KCNC1: variants seen among roughly 807,000 people sequenced by gnomAD.
KCNC1 encodes the protein potassium voltage-gated channel subfamily C member 1.
Under a neutral mutation model 43.4 loss-of-function variants are expected in KCNC1, and 8 were observed. The ratio of observed to expected loss-of-function variants is 0.18; its 90% confidence interval spans 0.11 to 0.33. The LOEUF is 0.33. KCNC1 is among the 10% of genes least tolerant of loss of function. The pLI is 1.00. For missense variants in KCNC1, 420 were observed against 836.0 expected, an observed-to-expected ratio of 0.50 and a Z score of 6.14; for synonymous variants, 361 against 360.5, an observed-to-expected ratio of 1.00 and a Z score of -0.01.
chr11:17,759,758 C>G (rs549276939), intron 1 of KCNC1, among the ~76,000 whole-genome samples: 3 of 151,990 alleles, frequency 2.0e-5, no homozygotes, highest in African/African-American at 7.2e-5. Context: ...TTGTGGTTCC[C>G]CAAAACAATT....
chr11:17,772,704 C>G (rs1327388561), intron 2 of KCNC1, 106 bp downstream of exon 2: 19 of 1,531,014 alleles, frequency 1.2e-5, no homozygotes, highest in Admixed American at 2.0e-5. Flanking sequence ...TGGGTGACCC[C>G]GGACCCCGCA....
chr11:17,759,394 A>C (rs997057674), intron 1 of KCNC1, among the ~76,000 whole-genome samples: 17 of 152,120 alleles, frequency 1.1e-4, no homozygotes, highest in Non-Finnish European at 2.4e-4. Flanking sequence ...CTTATCACTC[A>C]TGTGTCTACT....
Position 17,777,474 on chromosome 11 carries a change from C to T in KCNC1, c.1505-1982C>T. 7.1e-6 allele frequency: 7 copies of T among 986,012 alleles called. No homozygotes were observed. The highest frequency in any genetic ancestry group is 8.4e-6 in the Non-Finnish European group (7 of 830,000). 61.1% of individuals were successfully genotyped at this position (986,012 alleles called of 1,614,324 possible). A position where few individuals can be genotyped will look rare whatever the true frequency, so the allele number is the denominator to read the frequency against. ...CGTCCTCTCCATACTGTTTCCCTCC[C>T]CTCTCCCAACACCCTCCTCCCTCAG... On this transcript the variant is annotated intron_variant, in intron 2 of 3. Coordinates refer to ENST00000265969, the MANE Select transcript of KCNC1 (RefSeq NM_001112741.2). The surrounding 1 kb of genome is among the most constrained non-coding windows in gnomAD (Gnocchi z 4.3).
chr11:17,775,223 A>T, intron 2 of KCNC1: 15 of 985,520 alleles, frequency 1.5e-5, no homozygotes, highest in Non-Finnish European at 1.8e-5. Context: ...AGCTTCTCCA[A>T]TTCCACTTTT....
At position 17,777,441 on chromosome 11, in the gene KCNC1, GTC is replaced by G; in HGVS notation, c.1505-2014_1505-2013del. The G allele has an allele frequency of 1.0e-6, 1 of 985,874 alleles. No individual in the cohort carries two copies. The highest frequency in any genetic ancestry group is 1.2e-6 in the Non-Finnish European group (1 of 829,966). 61.1% of individuals were successfully genotyped at this position (985,874 alleles called of 1,614,324 possible). On this transcript the variant is annotated intron_variant, in intron 2 of 3. Transcript: ENST00000265969. This position sits in a 1 kb window ranked among gnomAD's most constrained non-coding sequence, Gnocchi z 4.3. ...TGCTATGGGCCTCAACCCCCACATC[GTC>G]ATCCGCGTCCTCTCCATACTGTTTC...
intron 1 of KCNC1, among the ~76,000 whole-genome samples, chr11:17,764,489 A>G (rs1849125785): frequency 6.6e-6 from 1 of 152,122 alleles, no homozygotes; most frequent in Non-Finnish European, 1.5e-5. Flanking sequence ...TGTAGACATG[A>G]CACACCTACC....
intron 1 of KCNC1, among the ~76,000 whole-genome samples, chr11:17,737,023 C>T (rs1325834601): frequency 6.6e-6 from 1 of 152,174 alleles, no homozygotes; most frequent in African/African-American, 2.4e-5. Flanking sequence ...AGCTGGGAGC[C>T]CTTCCTCCTG....
At position 17,773,298 on chromosome 11, in the gene KCNC1, G is replaced by A. The variant is rs577200394; in HGVS notation, c.1504+700G>A. The A allele has an allele frequency of 4.1e-6, 4 of 985,296 alleles. No individual in the cohort carries two copies. The highest frequency in any genetic ancestry group is 3.5e-5 in the African/African-American group (2 of 57,214). 61.0% of individuals were successfully genotyped at this position (985,296 alleles called of 1,614,324 possible). Reference sequence around the variant, plus strand: ...CTCTAGAGTTTAGCCTTTATCTTTAGGAACCTGTTGAAGTGACTCTAGCTT... The same window carrying A: ...CTCTAGAGTTTAGCCTTTATCTTTAAGAACCTGTTGAAGTGACTCTAGCTT... On this transcript the variant is annotated intron_variant, in intron 2 of 3. Coordinates refer to ENST00000265969, the MANE Select transcript of KCNC1 (RefSeq NM_001112741.2). The surrounding 1 kb of genome is among the most constrained non-coding windows in gnomAD (Gnocchi z 4.1).
At position 17,773,134 on chromosome 11, in the gene KCNC1, C is replaced by A. The variant is rs1849249934; in HGVS notation, c.1504+536C>A. The A allele has an allele frequency of 1.0e-5, 10 of 989,802 alleles. No homozygotes were observed. The highest frequency in any genetic ancestry group is 1.2e-5 in the Non-Finnish European group (10 of 832,926). 61.3% of individuals were successfully genotyped at this position (989,802 alleles called of 1,614,324 possible). A position where few individuals can be genotyped will look rare whatever the true frequency, so the allele number is the denominator to read the frequency against. Reference sequence around the variant, plus strand: ...CAAGGGTTCTCACCCCCGGCAGAGCCTGTCTCCATAGCTGAGTAGAATTCC... The same window carrying A: ...CAAGGGTTCTCACCCCCGGCAGAGCATGTCTCCATAGCTGAGTAGAATTCC... On this transcript the variant is annotated intron_variant, in intron 2 of 3. Coordinates refer to ENST00000265969, the MANE Select transcript of KCNC1 (RefSeq NM_001112741.2). This position sits in a 1 kb window ranked among gnomAD's most constrained non-coding sequence, Gnocchi z 4.1.
intron 1 of KCNC1, among the ~76,000 whole-genome samples, chr11:17,759,772 A>T (rs183886609): frequency 1.3e-5 from 2 of 152,332 alleles, no homozygotes; most frequent in Non-Finnish European, 2.9e-5. Flanking sequence ...AACAATTACA[A>T]TAGTAGCATC....
At chr11:17,763,969 A>T in intron 1 of KCNC1, among the ~76,000 whole-genome samples, 1 of 131,460 alleles carries the variant, frequency 7.6e-6, no homozygotes, top group African/African-American at 2.9e-5. Context: ...AGCAGCCCAC[A>T]CATGCACATA....
intron 2 of KCNC1, among the ~76,000 whole-genome samples, chr11:17,778,001 C>G (rs1186041022): frequency 3.3e-5 from 5 of 152,162 alleles, no homozygotes; most frequent in African/African-American, 1.2e-4. Flanking sequence ...CCTTTTCCCC[C>G]CACTCTACTC....
chr11:17,777,152 G>A lies in KCNC1; in HGVS notation c.1505-2304G>A, dbSNP rs1849296746. The A allele has an allele frequency of 1.0e-6, 1 of 984,900 alleles. No individual in the cohort carries two copies. Among genetic ancestry groups the A allele is most frequent in the South Asian group, 4.7e-5 (1 of 21,232 alleles). 61.0% of individuals were successfully genotyped at this position (984,900 alleles called of 1,614,324 possible). On this transcript the variant is annotated intron_variant, in intron 2 of 3. Transcript: ENST00000265969. This position sits in a 1 kb window ranked among gnomAD's most constrained non-coding sequence, Gnocchi z 4.3. ...GAGCTGGGAGCCCCCAGGGCCTGGG[G>A]GCTTGTGGACAGAACCAGTGGGCGG...
Position 17,776,316 on chromosome 11 carries a change from T to C in KCNC1, c.1505-3140T>C. ...ACTGTCCCCATTTAGCCTGAGACTT[T>C]TTTCCTGAGTCCCCAGCTGGGCAGA... is the stretch of plus-strand genomic sequence containing the variant. On this transcript the variant is annotated intron_variant, in intron 2 of 3. Coordinates refer to ENST00000265969, the MANE Select transcript of KCNC1 (RefSeq NM_001112741.2). This position sits in a 1 kb window ranked among gnomAD's most constrained non-coding sequence, Gnocchi z 4.4. 1.0e-6 allele frequency: 1 copy of C among 985,232 alleles called. No homozygotes were observed. The highest frequency in any genetic ancestry group is 1.2e-6 in the Non-Finnish European group (1 of 829,888). 61.0% of individuals were successfully genotyped at this position (985,232 alleles called of 1,614,324 possible).
In KCNC1 at chr11:17,779,682, G is replaced by A. The variant is rs773944103; in HGVS notation, c.1693+38G>A. 1.3e-4 allele frequency: 186 copies of A among 1,410,632 alleles called. No individual in the cohort carries two copies. The highest frequency in any genetic ancestry group is 1.7e-4 in the Non-Finnish European group (178 of 1,074,284). The allele number at this position is 1,410,632 out of a possible 1,614,324, so 87.4% of individuals were successfully genotyped here. A position where few individuals can be genotyped will look rare whatever the true frequency, so the allele number is the denominator to read the frequency against. ...AGCTGGAGCACCGTGCATCGTCCGG[G>A]CCGCCTCGCGCTCCTGCAGATGGGT... On this transcript the variant is annotated intron_variant, in intron 3 of 3. Transcript: ENST00000265969. This position sits in a 1 kb window ranked among gnomAD's most constrained non-coding sequence, Gnocchi z 7.2.
At position 17,770,170 on chromosome 11, in the gene KCNC1, C is replaced by A. The variant is rs1017935883; in HGVS notation, c.571-1495C>A. ...AGGGGCATCACTGCAAACAAGGCGG[C>A]CTCTAGGGGCAGCATGGCTGCCTCC... On this transcript the variant is annotated intron_variant, in intron 1 of 3. Transcript: ENST00000265969. Among the ~76,000 whole-genome samples the A allele has an allele frequency of 5.3e-4, 81 of 152,362 alleles. 1 individual carries two copies. The highest frequency in any genetic ancestry group is 4.9e-3 in the Admixed American group (75 of 15,310).
intron 2 of KCNC1, chr11:17,772,947 C>T: frequency 8.6e-7 from 1 of 1,168,316 alleles, no homozygotes; most frequent in Non-Finnish European, 1.1e-6. Flanking sequence ...GAGTCTCTGA[C>T]TCAGGCTACT....
At chr11:17,765,022 C>T (rs974889472) in intron 1 of KCNC1, among the ~76,000 whole-genome samples, 1 of 152,242 alleles carries the variant, frequency 6.6e-6, no homozygotes, top group African/African-American at 2.4e-5. Context: ...GGCCTGGGGC[C>T]TGGATGTCAG....
At chr11:17,740,570 G>A (rs1296351084) in intron 1 of KCNC1, among the ~76,000 whole-genome samples, 8 of 152,250 alleles carry the variant, frequency 5.3e-5, no homozygotes, top group African/African-American at 1.4e-4. Flanking sequence ...TGATTTGCAT[G>A]TCATCATCAG....
Sources: gnomAD v4.1 joint callset for allele counts (sites outside exome capture counted in the v4.1 genomes callset) on GRCh38, gnomAD v4.1.1 for gene constraint, Gnocchi (gnomAD v3.1) non-coding constraint, MANE v1.5 for transcripts, NCBI Gene and HGNC (gene_info 2026-07-23, HGNC 2026-07-21) for gene names.